The following TMEM19 variants were observed in gnomAD, a reference collection of about 807,000 sequenced individuals.
The protein encoded by TMEM19 is transmembrane protein 19.
In TMEM19, 21 loss-of-function variants were observed where a neutral mutation model predicts 33.6. That is an observed-to-expected ratio of 0.62 (90% confidence interval 0.44 to 0.90). The LOEUF (loss-of-function observed/expected upper bound fraction) is 0.90, where lower values mean the gene tolerates loss of function less well. Ranked by LOEUF, TMEM19 falls within the 40% of genes least tolerant of loss-of-function variation. TMEM19 has a pLI of 0.00. For missense variants in TMEM19, 402 were observed against 401.8 expected (o/e 1.00, Z 0.00); for synonymous variants, 149 against 147.5 (o/e 1.01, Z -0.07).
chr12:71,697,590 T>G (rs1311466712), intron 4 of TMEM19, 56 bp downstream of exon 4: 21 of 1,503,708 alleles, frequency 1.4e-5, no homozygotes, highest in Non-Finnish European at 1.8e-5. Flanking sequence ...AGTCTTGATT[T>G]GAGATTCTTT....
chr12:71,694,906 A>G (rs1256717291), intron 2 of TMEM19, among the ~76,000 whole-genome samples: 2 of 152,188 alleles, frequency 1.3e-5, no homozygotes, highest in East Asian at 3.9e-4. Context: ...AATTTGGGGT[A>G]TAACTCTACT....
chr12:71,701,475 A>G lies in TMEM19; in HGVS notation c.*480A>G, dbSNP rs983505308. The G allele has an allele frequency of 6.6e-6, 1 of 152,358 alleles. No homozygotes were observed. Among genetic ancestry groups the G allele is most frequent in the Non-Finnish European group, 1.5e-5 (1 of 68,146 alleles). 9.4% of individuals were successfully genotyped at this position (152,358 alleles called of 1,614,324 possible). On this transcript the variant is annotated 3_prime_UTR_variant, in exon 6 of 6. Coordinates refer to ENST00000266673, the MANE Select transcript of TMEM19 (RefSeq NM_018279.4). ...TGTGTATGGGAGCCTAAACAAGTGTAGTATCCTGAACTTCTCCCATTAATT... is the reference window on the plus strand; with the variant it reads ...TGTGTATGGGAGCCTAAACAAGTGTGGTATCCTGAACTTCTCCCATTAATT...
In TMEM19 at chr12:71,697,408, TGGA is replaced by T. The variant is rs1319424486; in HGVS notation, c.512_514del (p.Trp171_Met172delinsLeu). The T allele has an allele frequency of 6.2e-7, 1 of 1,610,964 alleles. No homozygotes were observed. Among genetic ancestry groups the T allele is most frequent in the African/African-American group, 1.3e-5 (1 of 74,666 alleles). On this transcript the variant is annotated inframe_deletion, in exon 4 of 6. Coordinates refer to ENST00000266673, the MANE Select transcript of TMEM19 (RefSeq NM_018279.4). ...TTTTTCCAAGCAGTACTCCGCTTCC[TGGA>T]TGTGTTTGTCTCTCTTGGCTGCACT...
chr12:71,696,752 T>G (rs2137597384), intron 3 of TMEM19, among the ~76,000 whole-genome samples, 179 bp downstream of exon 3: 1 of 151,796 alleles, frequency 6.6e-6, no homozygotes, highest in Non-Finnish European at 1.5e-5. Flanking sequence ...GTTCACACCA[T>G]TCTCCTGGCT....
At position 71,696,567 on chromosome 12, in the gene TMEM19, A is replaced by T; in HGVS notation, c.376A>T (p.Lys126Ter). Reference sequence around the variant, plus strand: ...GAAGAAGCGTCTAGATTCAGAATATAAGGAAGGTAAAATTATGTTTGATAT... The same window carrying T: ...GAAGAAGCGTCTAGATTCAGAATATTAGGAAGGTAAAATTATGTTTGATAT... The part of the protein sequence containing the change: ...EVKKRLDSEY[K>*]EGGQRNWVQV... The change falls in exon 3 of 6, where the codon AAG (lysine) becomes TAG (stop). Residue 126 changes from lysine to a stop codon, truncating the protein, a stop_gained. Coordinates refer to ENST00000266673, the MANE Select transcript of TMEM19 (RefSeq NM_018279.4). LOFTEE classifies it high-confidence loss of function. The T allele has an allele frequency of 6.3e-7, 1 of 1,597,484 alleles. No individual in the cohort carries two copies. Among genetic ancestry groups the T allele is most frequent in the Admixed American group, 1.8e-5 (1 of 56,320 alleles).
chr12:71,687,032 T>A (rs201598825), intron 1 of TMEM19, among the ~76,000 whole-genome samples: 4 of 150,662 alleles, frequency 2.7e-5, no homozygotes, highest in South Asian at 2.1e-4. Context: ...TTTTTTTTTT[T>A]AATTTTTATT....
At chr12:71,687,021 CT>C (rs34090337) in intron 1 of TMEM19, among the ~76,000 whole-genome samples, 22,791 of 147,550 alleles carry the variant, frequency 0.15, 2,065 homozygotes, top group East Asian at 0.45. Flanking sequence ...ATACCTATTT[CT>C]TTTTTTTTTT....
In TMEM19 at chr12:71,697,521, G is replaced by C. The variant is rs758790110; in HGVS notation, c.624G>C (p.Glu208Asp). Residue 208 changes from glutamate (E) to aspartate (D), a missense_variant, in exon 4 of 6, where the codon GAG (glutamate) becomes GAC (aspartate). Glu to Asp is a conservative substitution (Grantham distance 45). Transcript: ENST00000266673. ...KSSPRLITTW[E>D]KVPVGTNGGV... ...CTCCAAGACTGATAACAACCTGGGAGAAAGTTCCAGTTGGTGAGTTTTTTC... is the reference window on the plus strand; with the variant it reads ...CTCCAAGACTGATAACAACCTGGGACAAAGTTCCAGTTGGTGAGTTTTTTC... The C allele has an allele frequency of 4.1e-5, 64 of 1,575,234 alleles. 1 individual carries two copies. The South Asian group carries it at 7.0e-4, about 17-fold the overall frequency.
intron 2 of TMEM19, among the ~76,000 whole-genome samples, chr12:71,694,756 A>G (rs896514836): frequency 2.6e-5 from 4 of 152,182 alleles, no homozygotes; most frequent in Non-Finnish European, 5.9e-5. Flanking sequence ...CACTTTCTAC[A>G]TTTTGGGCTA....
chr12:71,693,434 A>C (rs1302059003), intron 2 of TMEM19, among the ~76,000 whole-genome samples: 1 of 152,140 alleles, frequency 6.6e-6, no homozygotes, highest in Non-Finnish European at 1.5e-5. Flanking sequence ...AGTATATCAT[A>C]GTAGTTGGGA....
intron 4 of TMEM19, among the ~76,000 whole-genome samples, chr12:71,698,289 A>G (rs1050013202): frequency 4.6e-5 from 7 of 151,950 alleles, no homozygotes; most frequent in Non-Finnish European, 8.8e-5. Flanking sequence ...CATATTTTAG[A>G]TACCTACTAC....
chr12:71,698,610 AGAGAGAGAGAGAGAG>A (rs1483741075), intron 4 of TMEM19, among the ~76,000 whole-genome samples: 1,793 of 47,618 alleles, frequency 0.038, 46 homozygotes, highest in African/African-American at 0.067. Context: ...CTCTGAAAAG[AGAGAGAGAGAGAGAG>A]AGAGAGAGAG....
intron 2 of TMEM19, among the ~76,000 whole-genome samples, chr12:71,690,793 C>T (rs1004138520): frequency 6.6e-6 from 1 of 152,104 alleles, no homozygotes; most frequent in East Asian, 1.9e-4. Context: ...GACAGAATAA[C>T]AAGTGCAAAA....
chr12:71,698,230 T>C (rs1334382219), intron 4 of TMEM19, among the ~76,000 whole-genome samples: 1 of 152,148 alleles, frequency 6.6e-6, no homozygotes, highest in Non-Finnish European at 1.5e-5. Context: ...CATCATCACC[T>C]TCTCCTCCTT....
chr12:71,701,763 C>G lies in TMEM19; in HGVS notation c.*768C>G, dbSNP rs1881983708. 1 of 152,120 alleles carries G rather than the reference C, an allele frequency of 6.6e-6. No homozygotes were observed. Among genetic ancestry groups the G allele is most frequent in the South Asian group, 2.1e-4 (1 of 4,820 alleles). 9.4% of individuals were successfully genotyped at this position (152,120 alleles called of 1,614,324 possible). A position where few individuals can be genotyped will look rare whatever the true frequency, so the allele number is the denominator to read the frequency against. On this transcript the variant is annotated 3_prime_UTR_variant, in exon 6 of 6. Transcript: ENST00000266673. ...CAATTTAATATGTGGAATGTGTTTT[C>G]TAGCTTTCTTTGAATTATGTATGGC...
chr12:71,686,514 G>A lies in TMEM19; in HGVS notation c.-167G>A. On this transcript the variant is annotated 5_prime_UTR_variant, in exon 1 of 6. Coordinates refer to ENST00000266673, the MANE Select transcript of TMEM19 (RefSeq NM_018279.4). ...GAATTGGAGCTCTCCGCCAGTAGGA[G>A]TTTCCGGAAGGAGTTTGAATTTTTG... is the stretch of plus-strand genomic sequence containing the variant. 1.5e-6 allele frequency: 1 copy of A among 685,242 alleles called. No homozygotes were observed. 42.4% of individuals were successfully genotyped at this position (685,242 alleles called of 1,614,324 possible). A position where few individuals can be genotyped will look rare whatever the true frequency, so the allele number is the denominator to read the frequency against.
chr12:71,700,728 T>C, intron 5 of TMEM19, 104 bp from the exon 6 acceptor site: 2 of 1,155,038 alleles, frequency 1.7e-6, no homozygotes, highest in African/African-American at 1.6e-5. Flanking sequence ...CAAGTACATG[T>C]ACCCTAGAAC....
intron 2 of TMEM19, among the ~76,000 whole-genome samples, chr12:71,694,396 T>A (rs17110163): frequency 0.01 from 1,588 of 152,328 alleles, 20 homozygotes; most frequent in African/African-American, 0.036. Context: ...ATACTTTGGG[T>A]CTGGTTTCAG....
chr12:71,686,846 C>G (rs1487629592), intron 1 of TMEM19, 36 bp downstream of exon 1: 2 of 1,569,724 alleles, frequency 1.3e-6, no homozygotes, highest in African/African-American at 1.4e-5. Flanking sequence ...TCTCTGTAAT[C>G]TAGTCAGAGG....
Sources: allele counts gnomAD v4.1 joint callset (sites outside exome capture counted in the v4.1 genomes callset), GRCh38; gene constraint gnomAD v4.1.1; transcripts MANE v1.5; gene names NCBI Gene and HGNC (gene_info 2026-07-23, HGNC 2026-07-21).